SHBG: variants seen among roughly 807,000 people sequenced by gnomAD.
SHBG encodes the protein sex hormone binding globulin, also known as sex hormone-binding globulin.
In SHBG, 37 loss-of-function variants were observed where a neutral mutation model predicts 41.9. The ratio of observed to expected loss-of-function variants is 0.88; its 90% CI spans 0.68 to 1.16. The LOEUF (loss-of-function observed/expected upper bound fraction) is 1.16, where lower values mean the gene tolerates loss of function less well. SHBG is among the 50% of genes most tolerant of loss of function. SHBG has a pLI of 0.00. For synonymous variants in SHBG, 217 were observed against 205.8 expected (o/e 1.05, Z -0.47); for missense variants, 466 against 499.9 (o/e 0.93, Z 0.65).
At chr17:7,624,076 T>G (rs963069048), upstream of SHBG, among the ~76,000 whole-genome samples, 2 of 151,802 alleles carry the variant, frequency 1.3e-5, no homozygotes, top group Non-Finnish European at 2.9e-5. Context: ...CTCAGCCTCC[T>G]AAGTAGCTGG....
upstream of SHBG, chr17:7,626,885 A>G: frequency 6.2e-7 from 1 of 1,602,366 alleles, no homozygotes; most frequent in South Asian, 1.1e-5. Context: ...GACAGGGGAT[A>G]ACAGTGGGGT....
At chr17:7,624,368 C>T (rs2072153701), upstream of SHBG, among the ~76,000 whole-genome samples, 1 of 152,036 alleles carries the variant, frequency 6.6e-6, no homozygotes, top group African/African-American at 2.4e-5. Context: ...ATGCCTCAAC[C>T]TCCCAGGTAG....
At chr17:7,624,943 C>CTTTTT (rs907499817), upstream of SHBG, among the ~76,000 whole-genome samples, 5 of 93,716 alleles carry the variant, frequency 5.3e-5, no homozygotes, top group African/African-American at 1.3e-4. Context: ...CAGGCGTGAG[C>CTTTTT]TTTTTTTTTT....
chr17:7,615,196 C>T (rs2071948055), intron 1 of SHBG, among the ~76,000 whole-genome samples: 2 of 152,164 alleles, frequency 1.3e-5, no homozygotes, highest in Non-Finnish European at 2.9e-5. Context: ...TGGGCGGCGT[C>T]CGCACAGTCA....
At chr17:7,614,987 A>G (rs1020265946) in intron 1 of SHBG, 1 of 152,408 alleles carries the variant, frequency 6.6e-6, no homozygotes, top group African/African-American at 2.4e-5. Flanking sequence ...AGCGCCAGCT[A>G]GCGCATCGGG....
upstream of SHBG, chr17:7,626,487 CAGA>C (rs757956545): frequency 7.4e-5 from 120 of 1,614,140 alleles, no homozygotes; most frequent in Admixed American, 4.0e-4. Flanking sequence ...TCCTTGAAAG[CAGA>C]AGAAGTGCCA....
In SHBG at chr17:7,631,702, C is replaced by T. The variant is rs548248396; in HGVS notation, c.669C>T (p.Pro223=). Reference sequence around the variant, plus strand: ...GAAGCTGTGATGTAGAATCAAATCCCGGGATATTTCTCCCTCCAGGGACTC... The same window carrying T: ...GAAGCTGTGATGTAGAATCAAATCCTGGGATATTTCTCCCTCCAGGGACTC... ...SLRSCDVESN[P]GIFLPPGTQA... is the part of the protein sequence containing the mutation. Residue 223 remains proline (P), a synonymous_variant, in exon 5 of 8, where the codon CCC becomes CCT. Coordinates refer to ENST00000380450, the MANE Select transcript of SHBG (RefSeq NM_001040.5). 7.1e-5 allele frequency: 115 copies of T among 1,614,090 alleles called. 2 individuals carry two copies. The South Asian group carries it at 9.4e-4, about 13-fold the overall frequency.
intron 1 of SHBG, among the ~76,000 whole-genome samples, chr17:7,615,465 G>T (rs1317109483): frequency 6.6e-6 from 1 of 152,246 alleles, no homozygotes; most frequent in Admixed American, 6.5e-5. Flanking sequence ...TACTGTAGTA[G>T]ATTTAACAGT....
upstream of SHBG, among the ~76,000 whole-genome samples, chr17:7,623,074 A>G (rs551389132): frequency 3.0e-4 from 46 of 150,960 alleles, no homozygotes; most frequent in Admixed American, 5.3e-4. Flanking sequence ...AACCAAAGAC[A>G]AAACAAGATG....
chr17:7,628,408 C>G (rs983815547), upstream of SHBG, among the ~76,000 whole-genome samples: 1 of 151,480 alleles, frequency 6.6e-6, no homozygotes, highest in African/African-American at 2.4e-5. Context: ...GAACTACAGT[C>G]GCGCACCGGC....
chr17:7,626,307 C>T (rs1013038705), upstream of SHBG: 1 of 871,360 alleles, frequency 1.1e-6, no homozygotes, highest in East Asian at 2.5e-5. Context: ...TCTGCTCTTC[C>T]AATACTTGAG....
Position 7,630,788 on chromosome 17 carries a change from G to A in SHBG, c.312G>A (p.Arg104=). ...TTATGCTGGGACTTCGAGACGGCAG[G>A]CCTGAGATCCAACTGCACAATCACT... ...DWFMLGLRDG[R]PEIQLHNHWA... The change falls in exon 3 of 8, where the codon AGG becomes AGA. Residue 104 remains arginine, a synonymous_variant. Transcript: ENST00000380450. The surrounding 1 kb of genome is among the most constrained non-coding windows in gnomAD (Gnocchi z 4.6). 1.9e-6 allele frequency: 3 copies of A among 1,614,102 alleles called. No individual in the cohort carries two copies. The highest frequency in any genetic ancestry group is 2.5e-6 in the Non-Finnish European group (3 of 1,180,006).
intron 4 of SHBG, 29 bp from the exon 5 acceptor site, chr17:7,631,559 TC>T (rs1018442184): frequency 6.2e-7 from 1 of 1,613,290 alleles, no homozygotes; most frequent in Non-Finnish European, 8.5e-7. Flanking sequence ...GATTTCTACA[TC>T]CCCGTATCTT....
chr17:7,623,032 G>A (rs1005791625), upstream of SHBG, among the ~76,000 whole-genome samples: 4 of 118,296 alleles, frequency 3.4e-5, no homozygotes, highest in South Asian at 3.6e-4. Context: ...GCGAGACTCC[G>A]TCTCAAAAAA....
intron 1 of SHBG, among the ~76,000 whole-genome samples, chr17:7,619,504 G>C (rs911576316): frequency 1.3e-5 from 2 of 148,166 alleles, no homozygotes; most frequent in African/African-American, 5.0e-5. Context: ...TCAGGAGTTC[G>C]AGACCAGCCT....
At chr17:7,628,693 G>A (rs1428129039), upstream of SHBG, among the ~76,000 whole-genome samples, 3 of 151,724 alleles carry the variant, frequency 2.0e-5, no homozygotes, top group Admixed American at 6.6e-5. Flanking sequence ...TGATCTGCCC[G>A]CCTCAGCCTT....
intron 1 of SHBG, among the ~76,000 whole-genome samples, chr17:7,619,031 T>C (rs1197052841): frequency 6.6e-6 from 1 of 152,012 alleles, no homozygotes; most frequent in Non-Finnish European, 1.5e-5. Context: ...ACAAAAATGG[T>C]ACAGGAAAGA....
At chr17:7,624,653 G>A (rs1037214448), upstream of SHBG, among the ~76,000 whole-genome samples, 1 of 151,332 alleles carries the variant, frequency 6.6e-6, no homozygotes, top group Non-Finnish European at 1.5e-5. Flanking sequence ...TGTTGTTGCT[G>A]TTTTGTTTTT....
At chr17:7,622,427 C>T (rs1032426797) in intron 1 of SHBG, among the ~76,000 whole-genome samples, 5 of 151,804 alleles carry the variant, frequency 3.3e-5, no homozygotes, top group Non-Finnish European at 7.4e-5. Context: ...TGCCCACCAC[C>T]ACGCCCAGCT....
Sources: gnomAD v4.1 joint callset for allele counts (sites outside exome capture counted in the v4.1 genomes callset) on GRCh38, gnomAD v4.1.1 for gene constraint, Gnocchi (gnomAD v3.1) non-coding constraint, MANE v1.5 for transcripts, NCBI Gene and HGNC (gene_info 2026-07-23, HGNC 2026-07-21) for gene names.